Variants in DOCK4 observed in about 807,000 individuals in gnomAD.
The protein encoded by DOCK4 is dedicator of cytokinesis protein 4.
In DOCK4, 97 loss-of-function variants were observed where a neutral mutation model predicts 268.1. The ratio of observed to expected loss-of-function variants is 0.36; its 90% CI spans 0.31 to 0.43. DOCK4 has a LOEUF of 0.43. DOCK4 is among the 20% of genes least tolerant of loss of function. The probability of loss-of-function intolerance (pLI) is 1.00; values close to 1 mark genes in which losing one functional copy is unlikely to be tolerated. For missense variants in DOCK4, 2,145 were observed against 2,455.7 expected, an observed-to-expected ratio of 0.87 and a Z score of 2.67; for synonymous variants, 954 against 887.2, an observed-to-expected ratio of 1.08 and a Z score of -1.34.
chr7:111,781,051 G>A (rs1798758251), intron 35 of DOCK4, among the ~76,000 whole-genome samples: 1 of 152,150 alleles, frequency 6.6e-6, no homozygotes, highest in South Asian at 2.1e-4. Context: ...ATACATTAAA[G>A]GCAGAGTATT....
At chr7:111,874,891 A>C (rs1199516863) in intron 17 of DOCK4, among the ~76,000 whole-genome samples, 1 of 152,240 alleles carries the variant, frequency 6.6e-6, no homozygotes, top group Non-Finnish European at 1.5e-5. Context: ...AATTTGCTCT[A>C]TGAAACTGCT....
chr7:112,106,172 T>A (rs1047809917), intron 1 of DOCK4, among the ~76,000 whole-genome samples: 2 of 152,222 alleles, frequency 1.3e-5, no homozygotes. Context: ...CAGATACGAA[T>A]AAATACAAGT....
chr7:112,147,209 G>A (rs771998375), intron 1 of DOCK4, among the ~76,000 whole-genome samples: 1 of 152,106 alleles, frequency 6.6e-6, no homozygotes, highest in Non-Finnish European at 1.5e-5. Flanking sequence ...ATACACAGGT[G>A]AACAGTAAAT....
At chr7:112,040,643 G>A (rs1485734872) in intron 1 of DOCK4, among the ~76,000 whole-genome samples, 1 of 152,044 alleles carries the variant, frequency 6.6e-6, no homozygotes, top group Non-Finnish European at 1.5e-5. Flanking sequence ...AGAAGATGCC[G>A]AGGCACAGTG....
intron 23 of DOCK4, among the ~76,000 whole-genome samples, chr7:111,856,841 T>C (rs1477377931): frequency 6.6e-6 from 1 of 152,178 alleles, no homozygotes; most frequent in African/African-American, 2.4e-5. Context: ...CAGGTAGTTT[T>C]TGAAAATATA....
chr7:111,868,611 G>A (rs1026157150), intron 21 of DOCK4, among the ~76,000 whole-genome samples: 1 of 152,042 alleles, frequency 6.6e-6, no homozygotes, highest in Non-Finnish European at 1.5e-5. Flanking sequence ...TTGGGAGGCT[G>A]AGGCAGGAGA....
chr7:111,909,934 C>T (rs1015225585), intron 13 of DOCK4, among the ~76,000 whole-genome samples: 2 of 151,030 alleles, frequency 1.3e-5, no homozygotes, highest in African/African-American at 2.4e-5. Flanking sequence ...TACACTCCAG[C>T]CTGAGTAACA....
At chr7:111,999,385 T>A (rs1421418053) in intron 3 of DOCK4, among the ~76,000 whole-genome samples, 2 of 152,084 alleles carry the variant, frequency 1.3e-5, no homozygotes, top group African/African-American at 2.4e-5. Flanking sequence ...CTTGTTTTCT[T>A]CAATATGGTA....
chr7:112,063,720 C>A (rs901330684), intron 1 of DOCK4, among the ~76,000 whole-genome samples: 1 of 152,140 alleles, frequency 6.6e-6, no homozygotes, highest in Admixed American at 6.5e-5. Flanking sequence ...TCATGCTCAT[C>A]TTCCAATTTA....
chr7:111,977,079 T>C, intron 8 of DOCK4, 53 bp downstream of exon 8: 1 of 1,591,618 alleles, frequency 6.3e-7, no homozygotes, highest in Non-Finnish European at 8.6e-7. Context: ...CAATCACAAA[T>C]ATCCACCATT....
chr7:111,729,164 G>C (rs1015288437), intron 52 of DOCK4, among the ~76,000 whole-genome samples: 1 of 152,200 alleles, frequency 6.6e-6, no homozygotes, highest in African/African-American at 2.4e-5. Context: ...TTTGAGTGTT[G>C]TCCTTTGTAG....
At chr7:112,169,927 G>C (rs1284103931) in intron 1 of DOCK4, among the ~76,000 whole-genome samples, 1 of 152,170 alleles carries the variant, frequency 6.6e-6, no homozygotes, top group Admixed American at 6.5e-5. Flanking sequence ...ACTTCAACTA[G>C]TTACTACAAA....
At chr7:112,094,510 A>C (rs938943525) in intron 1 of DOCK4, among the ~76,000 whole-genome samples, 1 of 152,242 alleles carries the variant, frequency 6.6e-6, no homozygotes, top group African/African-American at 2.4e-5. Context: ...GTTGTAGCAA[A>C]CTTGAAATTC....
intron 8 of DOCK4, among the ~76,000 whole-genome samples, chr7:111,949,994 T>G (rs1795926246): frequency 6.6e-6 from 1 of 152,226 alleles, no homozygotes; most frequent in African/African-American, 2.4e-5. Flanking sequence ...CAGCGCGATC[T>G]CAGCTCACTG....
intron 3 of DOCK4, among the ~76,000 whole-genome samples, 159 bp downstream of exon 3, chr7:112,000,335 A>T (rs1800321096): frequency 6.6e-6 from 1 of 152,148 alleles, no homozygotes; most frequent in South Asian, 2.1e-4. Context: ...CTTAACTATA[A>T]TCCAAGTTCA....
At chr7:111,960,523 C>CTTT (rs753880464) in intron 8 of DOCK4, among the ~76,000 whole-genome samples, 252 of 78,292 alleles carry the variant, frequency 3.2e-3, no homozygotes, top group Middle Eastern at 0.011. Context: ...ACCTCATGTG[C>CTTT]TTTTTTTTTT....
chr7:112,099,119 G>A (rs976123837), intron 1 of DOCK4, among the ~76,000 whole-genome samples: 17 of 132,338 alleles, frequency 1.3e-4, no homozygotes, highest in Non-Finnish European at 1.0e-4. Context: ...GTGAAACCTC[G>A]TCTCTACAAA....
At chr7:111,774,016 C>CA (rs1049212639) in intron 36 of DOCK4, among the ~76,000 whole-genome samples, 17 of 148,148 alleles carry the variant, frequency 1.1e-4, no homozygotes, top group East Asian at 2.0e-4. Flanking sequence ...AACCTTGTCT[C>CA]AAAAAAAAAG....
At chr7:111,889,595 G>A (rs940521096) in intron 16 of DOCK4, among the ~76,000 whole-genome samples, 1 of 152,168 alleles carries the variant, frequency 6.6e-6, no homozygotes, top group Non-Finnish European at 1.5e-5. Flanking sequence ...CCAGTGAAGT[G>A]TATTTGTTGG....
Sources: gnomAD v4.1 joint callset for allele counts (sites outside exome capture counted in the v4.1 genomes callset) on GRCh38, gnomAD v4.1.1 for gene constraint, MANE v1.5 for transcripts, NCBI Gene and HGNC (gene_info 2026-07-23, HGNC 2026-07-21) for gene names.